The following EYS variants were observed in gnomAD, a reference collection of about 807,000 sequenced individuals.
EYS encodes protein eyes shut homolog.
Under a neutral mutation model 282.1 loss-of-function variants are expected in EYS, and 250 were observed. That is an observed-to-expected ratio of 0.89 (90% CI 0.80 to 0.98). The LOEUF (loss-of-function observed/expected upper bound fraction) is 0.98. Ranked by LOEUF, EYS falls within the 50% of genes least tolerant of loss-of-function variation. EYS has a pLI of 0.00. For missense variants in EYS, 4,016 were observed against 3,709.0 expected (o/e 1.08, Z -2.15); for synonymous variants, 1,355 against 1,282.9 (o/e 1.06, Z -1.20).
At position 64,537,651 on chromosome 6, in the gene EYS, T is replaced by C. The variant is rs564516830; in HGVS notation, c.5644+52572A>G. On this transcript the variant is annotated intron_variant, in intron 26 of 42. Coordinates refer to ENST00000503581, the MANE Select transcript of EYS (RefSeq NM_001142800.2). ...TCCACTTAACACATAATCTCTCTTG[T>C]AGAGTACACTTAAGTATTTTTTAGA... is the stretch of plus-strand genomic sequence containing the variant. 1.6e-3 allele frequency among the ~76,000 whole-genome samples: 241 copies of C among 152,302 alleles called. 1 individual carries two copies. The highest frequency in any genetic ancestry group is 2.8e-3 in the Non-Finnish European group (189 of 68,022).
chr6:64,609,601 T>C (rs1042531945), intron 24 of EYS, among the ~76,000 whole-genome samples: 5 of 152,154 alleles, frequency 3.3e-5, no homozygotes, highest in Non-Finnish European at 7.4e-5. Flanking sequence ...ATAATATCTT[T>C]GTACAGACAT....
At chr6:63,910,832 A>C (rs1773894253) in intron 35 of EYS, among the ~76,000 whole-genome samples, 1 of 152,172 alleles carries the variant, frequency 6.6e-6, no homozygotes, top group Non-Finnish European at 1.5e-5. Flanking sequence ...GAAGTTTTCC[A>C]CTATTATTTT....
At chr6:65,560,715 T>C (rs187806010) in intron 2 of EYS, among the ~76,000 whole-genome samples, 4 of 152,154 alleles carry the variant, frequency 2.6e-5, no homozygotes. Context: ...TAAATGGATA[T>C]ATATAATGAA....
Position 64,626,219 on chromosome 6 carries a change from A to T in EYS, c.3470T>A (p.Phe1157Tyr). Residue 1157 changes from phenylalanine (F) to tyrosine (Y), a missense_variant, in exon 23 of 43, where the codon TTT becomes TAT. Transcript: ENST00000503581. ...CRCLPGFSGQFCEININECSS... is the reference protein window; with the variant it reads ...CRCLPGFSGQYCEININECSS... Reference sequence around the variant, plus strand: ...GCATTCATTTATATTAATTTCACAAAATTGACCAGAAAATCCAGGAAGACA... The same window carrying T: ...GCATTCATTTATATTAATTTCACAATATTGACCAGAAAATCCAGGAAGACA... 1 of 1,533,420 alleles carries T rather than the reference A, an allele frequency of 6.5e-7. No homozygotes were observed. The highest frequency in any genetic ancestry group is 8.8e-7 in the Non-Finnish European group (1 of 1,141,794). 95.0% of individuals were successfully genotyped at this position (1,533,420 alleles called of 1,614,324 possible). A position where few individuals can be genotyped will look rare whatever the true frequency, so the allele number is the denominator to read the frequency against.
intron 35 of EYS, among the ~76,000 whole-genome samples, chr6:63,897,091 TTCC>T (rs1367643369): frequency 6.6e-6 from 1 of 152,202 alleles, no homozygotes; most frequent in Non-Finnish European, 1.5e-5. Context: ...GATCTCTCCT[TTCC>T]TCCTCATCTG....
intron 12 of EYS, among the ~76,000 whole-genome samples, chr6:65,212,569 T>A (rs1274196374): frequency 6.6e-6 from 1 of 152,144 alleles, no homozygotes; most frequent in Non-Finnish European, 1.5e-5. Flanking sequence ...AATAAATTTG[T>A]CAGTCTGAGT....
chr6:64,118,394 G>T (rs1431825066), intron 31 of EYS, among the ~76,000 whole-genome samples: 1 of 152,062 alleles, frequency 6.6e-6, no homozygotes, highest in Non-Finnish European at 1.5e-5. Flanking sequence ...TGCATTTACA[G>T]CTGGCTGATT....
chr6:64,546,484 C>G (rs1170898400), intron 26 of EYS, among the ~76,000 whole-genome samples: 1 of 152,122 alleles, frequency 6.6e-6, no homozygotes, highest in Non-Finnish European at 1.5e-5. Flanking sequence ...GTCTAAAACA[C>G]CAAAAGCAAT....
At chr6:63,727,127 G>A (rs1768642898) in intron 41 of EYS, among the ~76,000 whole-genome samples, 1 of 152,000 alleles carries the variant, frequency 6.6e-6, no homozygotes, top group African/African-American at 2.4e-5. Flanking sequence ...AATTGAGTCA[G>A]GATATATTAT....
At chr6:64,061,291 A>T (rs1771158063) in intron 33 of EYS, among the ~76,000 whole-genome samples, 1 of 152,222 alleles carries the variant, frequency 6.6e-6, no homozygotes, top group Non-Finnish European at 1.5e-5. Flanking sequence ...TTTAAACTTC[A>T]GAAACTTAAA....
At chr6:65,507,375 G>T (rs1766696821) in intron 2 of EYS, among the ~76,000 whole-genome samples, 1 of 151,914 alleles carries the variant, frequency 6.6e-6, no homozygotes. Flanking sequence ...TCTGCAGTTT[G>T]CATATGACAT....
intron 33 of EYS, among the ~76,000 whole-genome samples, chr6:64,027,171 CTCAGA>C (rs1769560265): frequency 6.6e-6 from 1 of 152,148 alleles, no homozygotes; most frequent in Admixed American, 6.5e-5. Flanking sequence ...GGGACCTTGA[CTCAGA>C]TCATGGGGAC....
At chr6:63,799,310 G>A (rs990386759) in intron 37 of EYS, among the ~76,000 whole-genome samples, 2 of 151,508 alleles carry the variant, frequency 1.3e-5, no homozygotes, top group Admixed American at 6.6e-5. Flanking sequence ...CACCGTGCCC[G>A]GCTCCTAAAT....
At chr6:65,397,188 TTTTA>T (rs145896389) in intron 7 of EYS, among the ~76,000 whole-genome samples, 1 of 151,860 alleles carries the variant, frequency 6.6e-6, no homozygotes, top group South Asian at 2.1e-4. Context: ...AGCTAACCTC[TTTTA>T]TTTATTTATT....
intron 31 of EYS, among the ~76,000 whole-genome samples, chr6:64,206,281 T>C (rs1765606134): frequency 1.3e-5 from 2 of 152,348 alleles, no homozygotes; most frequent in South Asian, 4.1e-4. Flanking sequence ...GCAGTATTTA[T>C]ACCACATTTG....
intron 33 of EYS, among the ~76,000 whole-genome samples, chr6:64,000,489 C>T (rs945863651): frequency 2.6e-5 from 4 of 151,600 alleles, no homozygotes; most frequent in African/African-American, 7.3e-5. Context: ...CGTGAGCCAC[C>T]GAGCCCGGCA....
At chr6:65,095,277 A>T (rs1289940625) in intron 12 of EYS, among the ~76,000 whole-genome samples, 2 of 151,248 alleles carry the variant, frequency 1.3e-5, no homozygotes, top group Admixed American at 1.3e-4. Context: ...ACTGGGAGAT[A>T]TTAGTCAAAG....
chr6:64,660,494 T>C (rs1010286394), intron 22 of EYS, among the ~76,000 whole-genome samples: 1 of 152,082 alleles, frequency 6.6e-6, no homozygotes, highest in Non-Finnish European at 1.5e-5. Flanking sequence ...AACCCGATCA[T>C]CTCAGCCCAA....
chr6:64,181,592 A>G (rs1318164707), intron 31 of EYS, among the ~76,000 whole-genome samples: 1 of 152,118 alleles, frequency 6.6e-6, no homozygotes, highest in Non-Finnish European at 1.5e-5. Flanking sequence ...CAAGAGACAC[A>G]TTGAATTTTC....
Sources: gnomAD v4.1 joint callset for allele counts (sites outside exome capture counted in the v4.1 genomes callset) on GRCh38, gnomAD v4.1.1 for gene constraint, MANE v1.5 for transcripts, NCBI Gene and HGNC (gene_info 2026-07-23, HGNC 2026-07-21) for gene names.